The following TMEM131L variants were observed in gnomAD, a reference collection of about 807,000 sequenced individuals.
The protein encoded by TMEM131L is transmembrane protein 131-like.
A neutral mutation model predicts 192.2 loss-of-function variants in TMEM131L; 54 were observed. The observed-to-expected ratio is 0.28, with a 90% CI of 0.23 to 0.35. TMEM131L has a LOEUF of 0.35. Ranked by LOEUF, TMEM131L falls within the 10% of genes least tolerant of loss-of-function variation. TMEM131L has a pLI of 1.00. For synonymous variants in TMEM131L, 701 were observed against 704.9 expected, an observed-to-expected ratio of 0.99 and a Z score of 0.09; for missense variants, 1,888 against 1,972.9, an observed-to-expected ratio of 0.96 and a Z score of 0.82.
intron 34 of TMEM131L, among the ~76,000 whole-genome samples, chr4:153,636,091 G>C (rs576802667): frequency 6.6e-6 from 1 of 152,000 alleles, no homozygotes; most frequent in African/African-American, 2.4e-5. Flanking sequence ...TTCTTCCCCG[G>C]GTTGCAAATA....
chr4:153,636,284 C>T lies in TMEM131L; in HGVS notation c.4558-17C>T, dbSNP rs376050274. 7 of 1,584,580 alleles carry T rather than the reference C, an allele frequency of 4.4e-6. No homozygotes were observed. Among genetic ancestry groups the T allele is most frequent in the African/African-American group, 4.1e-5 (3 of 73,000 alleles). ...TTTTTCTTTTAACTTATTTTTCCTT[C>T]CTCATTTATACTTCAGCCCTACCTC... is the stretch of plus-strand genomic sequence containing the variant. On this transcript the variant is annotated splice_polypyrimidine_tract_variant and intron_variant, in intron 34 of 34. Transcript: ENST00000409959.
chr4:153,483,755 AAG>A (rs1291225425), intron 3 of TMEM131L, among the ~76,000 whole-genome samples: 2 of 152,158 alleles, frequency 1.3e-5, no homozygotes, highest in African/African-American at 4.8e-5. Flanking sequence ...CTGTGTAAGA[AAG>A]AGAAGAGACT....
chr4:153,594,408 G>T (rs1731285184), intron 19 of TMEM131L, among the ~76,000 whole-genome samples: 1 of 151,964 alleles, frequency 6.6e-6, no homozygotes, highest in Non-Finnish European at 1.5e-5. Context: ...ATGTGGTGAA[G>T]ATGCTATTTG....
At chr4:153,597,968 T>A (rs1352433607) in intron 20 of TMEM131L, among the ~76,000 whole-genome samples, 1 of 152,084 alleles carries the variant, frequency 6.6e-6, no homozygotes, top group East Asian at 1.9e-4. Flanking sequence ...AAAAAATAAT[T>A]TCCACCTTTT....
chr4:153,529,017 C>A (rs899339008), intron 3 of TMEM131L, among the ~76,000 whole-genome samples: 2 of 152,058 alleles, frequency 1.3e-5, no homozygotes, highest in East Asian at 3.9e-4. Flanking sequence ...GAGGAAGAAC[C>A]TTCCATTGCT....
chr4:153,470,974 G>T (rs1240106778), intron 2 of TMEM131L, among the ~76,000 whole-genome samples: 5 of 147,322 alleles, frequency 3.4e-5, no homozygotes, highest in Non-Finnish European at 7.4e-5. Flanking sequence ...AGTGCCTTCG[G>T]TTTTTTTTGT....
At chr4:153,515,942 A>G (rs1021343166) in intron 3 of TMEM131L, among the ~76,000 whole-genome samples, 11 of 148,964 alleles carry the variant, frequency 7.4e-5, no homozygotes, top group African/African-American at 2.0e-4. Flanking sequence ...ATAGGGTCTC[A>G]CTGTGTTGCC....
At chr4:153,585,362 T>C in intron 12 of TMEM131L, 96 bp from the exon 13 acceptor site, 1 of 1,220,098 alleles carries the variant, frequency 8.2e-7, no homozygotes. Context: ...TTAGTAACGT[T>C]TTATGATGCT....
chr4:153,545,787 C>T (rs3864176), intron 3 of TMEM131L, among the ~76,000 whole-genome samples: 68,592 of 152,034 alleles, frequency 0.45, 18,857 homozygotes, highest in African/African-American at 0.78. Context: ...AGAAGGTCTT[C>T]AAAATAAGGA....
intron 7 of TMEM131L, among the ~76,000 whole-genome samples, chr4:153,559,901 C>T (rs1304298225): frequency 6.6e-6 from 1 of 152,100 alleles, no homozygotes; most frequent in Non-Finnish European, 1.5e-5. Context: ...GTGCTCACCA[C>T]CTGTTCTTGG....
intron 2 of TMEM131L, among the ~76,000 whole-genome samples, chr4:153,469,456 G>A (rs1157350079): frequency 6.6e-6 from 1 of 152,170 alleles, no homozygotes; most frequent in East Asian, 1.9e-4. Context: ...TCCCTCATAT[G>A]TGTCAAACGG....
rs35897141 is a variant in TMEM131L at position 153,632,821 on chromosome 4, G to A, written c.4311G>A (p.Ser1437=). ...GCGTGCCTTGTGTGATTCAGGAGTC[G>A]GCCCCGGTTCATAATAGGTACAGCT... ...ENGVPCVIQE[S]APVHNSFIDW... is the part of the protein sequence containing the mutation. The change falls in exon 32 of 35, where the codon TCG becomes TCA. Residue 1437 remains serine, a synonymous_variant. Transcript: ENST00000409959. 0.058 allele frequency: 92,910 copies of A among 1,613,830 alleles called. 3,107 individuals carry two copies. The highest frequency in any genetic ancestry group is 0.069 in the Non-Finnish European group (81,152 of 1,179,794).
intron 26 of TMEM131L, among the ~76,000 whole-genome samples, chr4:153,614,560 A>G (rs894457096): frequency 1.3e-5 from 2 of 152,090 alleles, no homozygotes; most frequent in African/African-American, 2.4e-5. Flanking sequence ...ATTGAAAGCA[A>G]CCTGTGGACT....
chr4:153,483,979 T>C (rs754640550), intron 3 of TMEM131L, among the ~76,000 whole-genome samples: 3 of 152,210 alleles, frequency 2.0e-5, no homozygotes, highest in Non-Finnish European at 4.4e-5. Flanking sequence ...GAGGGTGTTC[T>C]GGATATGTTA....
rs778060577 is a variant in TMEM131L at position 153,591,153 on chromosome 4, C to G, written c.1771C>G (p.Leu591Val). The G allele has an allele frequency of 1.2e-6, 2 of 1,609,792 alleles. No individual in the cohort carries two copies. Among genetic ancestry groups the G allele is most frequent in the African/African-American group, 1.3e-5 (1 of 74,678 alleles). Residue 591 changes from leucine (L) to valine (V), a missense_variant, in exon 17 of 35, where the codon CTC becomes GTC. By Grantham distance (32) the Leu-to-Val change is conservative (BLOSUM62 1). Transcript: ENST00000409959. The part of the protein sequence containing the change: ...FLPRLIAEPG[L>V]MLNFSATALR... ...GCCTCGTTTGATCGCAGAGCCTGGCCTCATGTTAAACTTCAGCGCAACTGC... is the reference window on the plus strand; with the variant it reads ...GCCTCGTTTGATCGCAGAGCCTGGCGTCATGTTAAACTTCAGCGCAACTGC...
intron 3 of TMEM131L, among the ~76,000 whole-genome samples, chr4:153,497,768 C>CT (rs557506976): frequency 1.3e-4 from 19 of 141,394 alleles, no homozygotes; most frequent in Admixed American, 1.2e-3. Flanking sequence ...ATGCTTGGCT[C>CT]TTTTTATCAT....
intron 2 of TMEM131L, among the ~76,000 whole-genome samples, chr4:153,471,760 G>T (rs978508213): frequency 2.0e-5 from 3 of 152,184 alleles, no homozygotes; most frequent in Non-Finnish European, 2.9e-5. Flanking sequence ...GGCAGGCTCA[G>T]TGCTCCACTG....
chr4:153,518,138 C>G (rs1186502848), intron 3 of TMEM131L, among the ~76,000 whole-genome samples: 3 of 152,108 alleles, frequency 2.0e-5, no homozygotes, highest in African/African-American at 7.2e-5. Flanking sequence ...GGCTTGATTC[C>G]AGCCAGGTTC....
chr4:153,540,569 G>A (rs1423858044), intron 3 of TMEM131L, among the ~76,000 whole-genome samples: 2 of 152,186 alleles, frequency 1.3e-5, no homozygotes. Flanking sequence ...TAGGCAGCCT[G>A]TTTTTATTTG....
Sources: gnomAD v4.1 joint callset for allele counts (sites outside exome capture counted in the v4.1 genomes callset) on GRCh38, gnomAD v4.1.1 for gene constraint, MANE v1.5 for transcripts, NCBI Gene and HGNC (gene_info 2026-07-23, HGNC 2026-07-21) for gene names.